ATG7: variants seen among roughly 807,000 people sequenced by gnomAD.
ATG7 encodes ubiquitin-like modifier-activating enzyme ATG7.
ATG7 carries 70 observed loss-of-function variants against 82.4 expected under a neutral mutation model. That is an observed-to-expected ratio of 0.85 (90% CI 0.70 to 1.04). The LOEUF (loss-of-function observed/expected upper bound fraction) is 1.04. Among genes scored for constraint, ATG7 ranks in the 50% least tolerant of loss-of-function variants. The pLI is 0.00. For missense variants in ATG7, 792 were observed against 864.3 expected (o/e 0.92, Z 1.05); for synonymous variants, 287 against 313.0 (o/e 0.92, Z 0.88).
intron 11 of ATG7, among the ~76,000 whole-genome samples, chr3:11,337,492 A>C (rs113409574): frequency 0.067 from 9,628 of 143,948 alleles, 379 homozygotes; most frequent in East Asian, 0.085. Flanking sequence ...CTCTCTCTAT[A>C]TATATATATA....
intron 20 of ATG7, among the ~76,000 whole-genome samples, chr3:11,546,378 G>A (rs561054733): frequency 1.4e-4 from 21 of 152,138 alleles, no homozygotes; most frequent in East Asian, 1.4e-3. Context: ...TGCCATGTTG[G>A]CCAAGCTGGT....
chr3:11,440,935 C>T (rs1325297409), intron 20 of ATG7, among the ~76,000 whole-genome samples: 2 of 151,960 alleles, frequency 1.3e-5, no homozygotes, highest in East Asian at 1.9e-4. Flanking sequence ...CCACCTGCCT[C>T]GGCCTCCCAA....
intron 20 of ATG7, among the ~76,000 whole-genome samples, chr3:11,512,141 C>T (rs1248654701): frequency 7.9e-5 from 12 of 152,196 alleles, no homozygotes; most frequent in Admixed American, 7.9e-4. Flanking sequence ...TGAGGACTGC[C>T]AGCATGCTGT....
chr3:11,323,978 A>G (rs1485740386), intron 9 of ATG7, among the ~76,000 whole-genome samples: 1 of 152,168 alleles, frequency 6.6e-6, no homozygotes, highest in African/African-American at 2.4e-5. Flanking sequence ...CAAGTTGGCA[A>G]TTTTGCCCTC....
intron 9 of ATG7, among the ~76,000 whole-genome samples, chr3:11,326,544 C>T (rs1327960031): frequency 5.9e-5 from 9 of 152,302 alleles, no homozygotes; most frequent in South Asian, 4.1e-4. Flanking sequence ...GTGATCCACC[C>T]GCCTCTGCCT....
intron 20 of ATG7, among the ~76,000 whole-genome samples, chr3:11,431,180 T>C (rs2082846642): frequency 6.6e-6 from 1 of 152,210 alleles, no homozygotes; most frequent in Non-Finnish European, 1.5e-5. Context: ...GGTGGGTGGA[T>C]CACTTGAGGT....
At chr3:11,414,396 C>T (rs1274272675) in intron 19 of ATG7, among the ~76,000 whole-genome samples, 1 of 152,104 alleles carries the variant, frequency 6.6e-6, no homozygotes, top group African/African-American at 2.4e-5. Flanking sequence ...GTATCCTGCA[C>T]CCTATGTATC....
chr3:11,526,720 ATTTC>A (rs1283376246), intron 20 of ATG7, among the ~76,000 whole-genome samples: 2 of 151,956 alleles, frequency 1.3e-5, no homozygotes, highest in African/African-American at 2.4e-5. Flanking sequence ...TGTGTACCTC[ATTTC>A]TTTTTCTTGT....
chr3:11,281,089 C>G lies in ATG7; in HGVS notation c.-270C>G, dbSNP rs961184652. 1 of 152,198 alleles carries G rather than the reference C, an allele frequency of 6.6e-6. No homozygotes were observed. The allele number at this position is 152,198 out of a possible 1,614,324, so 9.4% of individuals were successfully genotyped here. ...ACCTGTATGTCCTGCGTCTATGATT[C>G]TTCCCTGATCAAGGTAGGAATGCAG... On this transcript the variant is annotated 5_prime_UTR_variant, in exon 2 of 21. Coordinates refer to ENST00000693202, the MANE Select transcript of ATG7 (RefSeq NM_001349232.2).
intron 20 of ATG7, among the ~76,000 whole-genome samples, chr3:11,435,864 G>A (rs1183587756): frequency 1.3e-5 from 2 of 152,066 alleles, no homozygotes; most frequent in African/African-American, 2.4e-5. Context: ...ATAAGAATAC[G>A]AAAAAGTGGG....
At chr3:11,452,273 T>A (rs2152986826) in intron 20 of ATG7, among the ~76,000 whole-genome samples, 2 of 149,550 alleles carry the variant, frequency 1.3e-5, no homozygotes, top group South Asian at 4.2e-4. Flanking sequence ...TAATCCCAGC[T>A]ACTTGGGAGG....
intron 11 of ATG7, among the ~76,000 whole-genome samples, chr3:11,336,036 AT>A (rs541306159): frequency 0.059 from 6,565 of 111,698 alleles, 185 homozygotes; most frequent in African/African-American, 0.13. Flanking sequence ...GTGCCCGGTC[AT>A]TTTTTTTTTT....
intron 19 of ATG7, among the ~76,000 whole-genome samples, chr3:11,418,185 G>A (rs1215071197): frequency 4.6e-5 from 7 of 151,370 alleles, no homozygotes; most frequent in South Asian, 2.1e-4. Context: ...GCTCACTGCA[G>A]CCTCAACCTC....
downstream of ATG7, chr3:11,558,396 C>CA (rs2072630048): frequency 1.6e-6 from 2 of 1,256,806 alleles, no homozygotes; most frequent in Non-Finnish European, 2.1e-6. Flanking sequence ...CAAGCAAGTA[C>CA]AAAAACAGAA....
At chr3:11,325,930 G>A (rs1950816054) in intron 9 of ATG7, among the ~76,000 whole-genome samples, 1 of 152,090 alleles carries the variant, frequency 6.6e-6, no homozygotes, top group Admixed American at 6.6e-5. Context: ...TTGCTGGTTT[G>A]AATACCCTTT....
intron 20 of ATG7, among the ~76,000 whole-genome samples, chr3:11,428,309 G>A (rs1289228095): frequency 6.6e-6 from 1 of 152,250 alleles, no homozygotes; most frequent in Admixed American, 6.5e-5. Flanking sequence ...AAGGGCTGCT[G>A]TTTGGAGAGG....
chr3:11,298,383 G>T (rs1342509684), intron 3 of ATG7, among the ~76,000 whole-genome samples: 1 of 152,148 alleles, frequency 6.6e-6, no homozygotes, highest in Admixed American at 6.5e-5. Flanking sequence ...AAGGAAATGG[G>T]GAGTTATTGT....
chr3:11,518,930 AATT>A (rs1486525925), intron 20 of ATG7, among the ~76,000 whole-genome samples: 1 of 152,230 alleles, frequency 6.6e-6, no homozygotes, highest in Non-Finnish European at 1.5e-5. Context: ...TTGATCTCAG[AATT>A]CTCTTGCAGC....
At chr3:11,546,723 C>A (rs1023434263) in intron 20 of ATG7, among the ~76,000 whole-genome samples, 1 of 152,170 alleles carries the variant, frequency 6.6e-6, no homozygotes, top group Non-Finnish European at 1.5e-5. Flanking sequence ...CCAGGCTGAG[C>A]CTTCTCCCTC....
Sources: gnomAD v4.1 joint callset for allele counts (sites outside exome capture counted in the v4.1 genomes callset) on GRCh38, gnomAD v4.1.1 for gene constraint, MANE v1.5 for transcripts, NCBI Gene and HGNC (gene_info 2026-07-23, HGNC 2026-07-21) for gene names.